RCOR3: variants seen among roughly 807,000 people sequenced by gnomAD.
RCOR3 encodes REST corepressor 3.
In RCOR3, 13 loss-of-function variants were observed where a neutral mutation model predicts 64.1. The ratio of observed to expected loss-of-function variants is 0.20; its 90% confidence interval spans 0.13 to 0.32. The LOEUF (loss-of-function observed/expected upper bound fraction) is 0.32. Ranked by LOEUF, RCOR3 falls within the 10% of genes least tolerant of loss-of-function variation. The pLI is 1.00. For missense variants in RCOR3, 489 were observed against 701.2 expected, an observed-to-expected ratio of 0.70 and a Z score of 3.42; for synonymous variants, 215 against 239.0, an observed-to-expected ratio of 0.90 and a Z score of 0.93.
At chr1:211,297,286 A>G (rs553746688) in intron 9 of RCOR3, among the ~76,000 whole-genome samples, 7 of 152,268 alleles carry the variant, frequency 4.6e-5, no homozygotes, top group South Asian at 4.1e-4. Flanking sequence ...CCTATGTGCT[A>G]TCTCATTTGA....
intron 2 of RCOR3, among the ~76,000 whole-genome samples, chr1:211,265,083 G>A (rs1694957916): frequency 1.3e-5 from 2 of 152,102 alleles, no homozygotes; most frequent in Admixed American, 1.3e-4. Flanking sequence ...GTAAAGTAGT[G>A]GTTTTCAAAA....
At chr1:211,306,526 T>G (rs1293334748) in intron 10 of RCOR3, among the ~76,000 whole-genome samples, 1 of 152,186 alleles carries the variant, frequency 6.6e-6, no homozygotes, top group African/African-American at 2.4e-5. Context: ...CTTTATTTTA[T>G]CTGGCTCATA....
At chr1:211,297,101 A>T (rs1699927189) in intron 9 of RCOR3, among the ~76,000 whole-genome samples, 1 of 152,104 alleles carries the variant, frequency 6.6e-6, no homozygotes, top group Admixed American at 6.5e-5. Flanking sequence ...AGAATAATTA[A>T]CATTTTTCTC....
chr1:211,261,939 A>AAAAAAAAC (rs1694368701), intron 2 of RCOR3, among the ~76,000 whole-genome samples: 1 of 147,810 alleles, frequency 6.8e-6, no homozygotes, highest in Non-Finnish European at 1.5e-5. Flanking sequence ...AAAAAAAAAA[A>AAAAAAAAC]AACTGAATTC....
chr1:211,283,425 G>A (rs2102536850), intron 7 of RCOR3, among the ~76,000 whole-genome samples: 1 of 152,286 alleles, frequency 6.6e-6, no homozygotes, highest in Non-Finnish European at 1.5e-5. Context: ...CTAGGTAATG[G>A]CATAATTGTT....
At chr1:211,294,887 C>G (rs1001820599) in intron 8 of RCOR3, among the ~76,000 whole-genome samples, 1 of 152,008 alleles carries the variant, frequency 6.6e-6, no homozygotes, top group Non-Finnish European at 1.5e-5. Flanking sequence ...CCGCACCCAG[C>G]CTTTTTTTAA....
chr1:211,267,928 A>C (rs989444320), intron 2 of RCOR3: 1 of 341,188 alleles, frequency 2.9e-6, no homozygotes, highest in African/African-American at 2.3e-5. Context: ...AAATTTAAAA[A>C]AAGTTTAATA....
At chr1:211,306,211 G>C (rs17017361) in intron 10 of RCOR3, among the ~76,000 whole-genome samples, 28,708 of 152,028 alleles carry the variant, frequency 0.19, 3,012 homozygotes, top group African/African-American at 0.28. Context: ...ATAGTGGTCA[G>C]AAGTGTGTCT....
At chr1:211,282,423 A>G (rs1571883339) in intron 7 of RCOR3, among the ~76,000 whole-genome samples, 1 of 152,330 alleles carries the variant, frequency 6.6e-6, no homozygotes, top group East Asian at 1.9e-4. Context: ...TATTTAAAGA[A>G]AAATAATAGA....
At chr1:211,261,337 C>G (rs1030697121) in intron 2 of RCOR3, 3 of 152,124 alleles carry the variant, frequency 2.0e-5, no homozygotes, top group South Asian at 4.1e-4. Context: ...TTCCTCCTGT[C>G]CCAAGTGAGG....
At chr1:211,305,587 A>G (rs1016693003) in intron 10 of RCOR3, among the ~76,000 whole-genome samples, 1 of 152,304 alleles carries the variant, frequency 6.6e-6, no homozygotes, top group African/African-American at 2.4e-5. Flanking sequence ...TCAGTTGTTT[A>G]AAGATTAGTA....
intron 10 of RCOR3, among the ~76,000 whole-genome samples, chr1:211,305,702 T>C (rs1407429236): frequency 2.6e-5 from 4 of 152,220 alleles, no homozygotes; most frequent in Non-Finnish European, 5.9e-5. Flanking sequence ...ACTCAGTATT[T>C]GTTATTGCTC....
chr1:211,276,504 A>G, intron 5 of RCOR3, 86 bp downstream of exon 5: 1 of 1,177,626 alleles, frequency 8.5e-7, no homozygotes, highest in South Asian at 1.7e-5. Context: ...TAAATACAAA[A>G]ACATTCTTCA....
intron 3 of RCOR3, among the ~76,000 whole-genome samples, chr1:211,272,445 G>A (rs1696333354): frequency 6.6e-6 from 1 of 152,032 alleles, no homozygotes; most frequent in African/African-American, 2.4e-5. Flanking sequence ...TGTGCTGGTA[G>A]TGTAGTGTTC....
At chr1:211,296,255 A>G (rs1699853271) in intron 9 of RCOR3, among the ~76,000 whole-genome samples, 1 of 152,220 alleles carries the variant, frequency 6.6e-6, no homozygotes, top group South Asian at 2.1e-4. Flanking sequence ...AAAACAAGGT[A>G]TAGATTGACC....
In RCOR3 at chr1:211,278,275, A is replaced by G. The variant is rs755669695; in HGVS notation, c.641+34A>G. 3.1e-6 allele frequency: 5 copies of G among 1,608,328 alleles called. No homozygotes were observed. The South Asian group carries it at 5.5e-5, about 18-fold the overall frequency. On this transcript the variant is annotated intron_variant, in intron 6 of 11. Coordinates refer to ENST00000419091, the MANE Select transcript of RCOR3 (RefSeq NM_001136223.3). ...GTTACCTTCATATAGTTACATTGTT[A>G]GGGACACTGCATTGTATTGCTTACA...
intron 2 of RCOR3, among the ~76,000 whole-genome samples, chr1:211,268,905 T>C (rs1241949359): frequency 6.6e-6 from 1 of 152,148 alleles, no homozygotes; most frequent in Non-Finnish European, 1.5e-5. Flanking sequence ...CAATGTATGA[T>C]TTTTTAACTA....
rs192740621 is a variant in RCOR3, at chr1:211,267,298, C to T, written c.224-3934C>T. ...TATTCAGACTCTGGGAGTTGGGCTT[C>T]GTAGTTCATATTCTTAACCATTGCA... On this transcript the variant is annotated intron_variant, in intron 2 of 11. Transcript: ENST00000419091. Among the ~76,000 whole-genome samples, 30 of 152,296 alleles carry T rather than the reference C, an allele frequency of 2.0e-4. No homozygotes were observed. The East Asian group carries it at 5.2e-3, about 26-fold the overall frequency.
At chr1:211,262,139 G>C (rs1694432977) in intron 2 of RCOR3, among the ~76,000 whole-genome samples, 1 of 133,754 alleles carries the variant, frequency 7.5e-6, no homozygotes, top group South Asian at 2.6e-4. Flanking sequence ...CCGGGTTCAA[G>C]CGATTGTCCT....
Sources: gnomAD v4.1 joint callset for allele counts (sites outside exome capture counted in the v4.1 genomes callset) on GRCh38, gnomAD v4.1.1 for gene constraint, MANE v1.5 for transcripts, NCBI Gene and HGNC (gene_info 2026-07-23, HGNC 2026-07-21) for gene names.